Variants in MYO9A observed in about 807,000 individuals in gnomAD.
MYO9A encodes the protein myosin IXA, also known as unconventional myosin-IXa.
MYO9A carries 103 observed loss-of-function variants against 293.3 expected under a neutral mutation model. The observed-to-expected ratio is 0.35, with a 90% CI of 0.30 to 0.41. The LOEUF is 0.41. MYO9A is among the 10% of genes least tolerant of loss of function. The pLI, the probability that MYO9A is intolerant of heterozygous loss-of-function variation, is 1.00. For synonymous variants in MYO9A, 1,001 were observed against 1,035.7 expected, an observed-to-expected ratio of 0.97 and a Z score of 0.64; for missense variants, 2,685 against 3,033.0, an observed-to-expected ratio of 0.89 and a Z score of 2.69.
chr15:71,954,889 T>C (rs1335428017), intron 14 of MYO9A, among the ~76,000 whole-genome samples: 1 of 152,188 alleles, frequency 6.6e-6, no homozygotes, highest in African/African-American at 2.4e-5. Context: ...TTCTGTAATG[T>C]CAATTCAAAG....
chr15:72,102,450 C>G (rs1465710939), intron 1 of MYO9A, among the ~76,000 whole-genome samples: 2 of 148,334 alleles, frequency 1.3e-5, no homozygotes, highest in African/African-American at 4.9e-5. Flanking sequence ...CTGCCAAATC[C>G]CCCTCTGTGA....
At chr15:72,003,621 G>A (rs1446169623) in intron 8 of MYO9A, among the ~76,000 whole-genome samples, 5 of 150,664 alleles carry the variant, frequency 3.3e-5, no homozygotes, top group African/African-American at 7.3e-5. Flanking sequence ...GGAGAATGGC[G>A]TGAACCCAGG....
chr15:71,823,789 T>C lies in MYO9A; in HGVS notation c.*2791A>G, dbSNP rs1217863557. 6.6e-6 allele frequency: 1 copy of C among 152,206 alleles called. No homozygotes were observed. Among genetic ancestry groups the C allele is most frequent in the Admixed American group, 6.5e-5 (1 of 15,288 alleles). 9.4% of individuals were successfully genotyped at this position (152,206 alleles called of 1,614,324 possible). On this transcript the variant is annotated 3_prime_UTR_variant, in exon 42 of 42. Coordinates refer to ENST00000356056, the MANE Select transcript of MYO9A (RefSeq NM_006901.4). ...GAAGAGTGCTCTGCATTTTGGAGTA[T>C]GGGCTCCAAATGTGGAGCTGCCCCA...
At chr15:71,843,930 G>A (rs16956307) in intron 39 of MYO9A, among the ~76,000 whole-genome samples, 3,418 of 152,302 alleles carry the variant, frequency 0.022, 121 homozygotes, top group African/African-American at 0.08. Flanking sequence ...GAGACTTTGT[G>A]AGTCCTGGCT....
At chr15:71,925,494 GTT>G (rs2145341418) in intron 18 of MYO9A, among the ~76,000 whole-genome samples, 1 of 151,536 alleles carries the variant, frequency 6.6e-6, no homozygotes, top group South Asian at 2.1e-4. Context: ...TTATCTGTCT[GTT>G]TTGGTGGTTT....
At position 71,880,469 on chromosome 15, in the gene MYO9A, G is replaced by A; in HGVS notation, c.5488C>T (p.Pro1830Ser). The A allele has an allele frequency of 6.2e-7, 1 of 1,614,218 alleles. No homozygotes were observed. The highest frequency in any genetic ancestry group is 8.5e-7 in the Non-Finnish European group (1 of 1,180,022). The change falls in exon 29 of 42, where the codon CCA (proline) becomes TCA (serine). Residue 1830 changes from proline (P) to serine (S), a missense_variant. Physicochemically the swap from Pro to Ser is moderately conservative, Grantham distance 74. Around this residue, in one of 10 missense-constraint regions of MYO9A, gnomAD observed 1,434 missense variants for 1,497.7 expected, o/e 0.96. Coordinates refer to ENST00000356056, the MANE Select transcript of MYO9A (RefSeq NM_006901.4). ...KEFKENKEPS[P>S]KAKRKRSVKI... is the part of the protein sequence containing the mutation. ...ACACTTCGCTTGCGCTTAGCCTTTG[G>A]AGAAGGTTCTTTGTTCTCTTTGAAT...
chr15:71,877,338 C>T (rs2056725922), intron 31 of MYO9A, among the ~76,000 whole-genome samples: 2 of 152,148 alleles, frequency 1.3e-5, no homozygotes, highest in Non-Finnish European at 2.9e-5. Flanking sequence ...TCCCAAAACA[C>T]GTATTTTCCT....
chr15:72,024,502 C>T (rs71395054), intron 4 of MYO9A, among the ~76,000 whole-genome samples: 1 of 152,250 alleles, frequency 6.6e-6, no homozygotes, highest in Non-Finnish European at 1.5e-5. Context: ...GAACTCCTGG[C>T]CTCAAGTGAT....
chr15:72,042,114 A>G (rs2078244992), intron 2 of MYO9A, among the ~76,000 whole-genome samples: 1 of 151,492 alleles, frequency 6.6e-6, no homozygotes, highest in African/African-American at 2.4e-5. Context: ...TATCAATGCA[A>G]AAGATTGAAT....
intron 19 of MYO9A, among the ~76,000 whole-genome samples, chr15:71,915,823 T>G (rs1233593171): frequency 6.6e-6 from 1 of 152,110 alleles, no homozygotes; most frequent in Non-Finnish European, 1.5e-5. Flanking sequence ...AGGAGATAGA[T>G]GATTTGAGAA....
At chr15:72,095,975 T>C (rs1336744905) in intron 1 of MYO9A, among the ~76,000 whole-genome samples, 1 of 151,862 alleles carries the variant, frequency 6.6e-6, no homozygotes, top group Non-Finnish European at 1.5e-5. Flanking sequence ...GAGACCAACC[T>C]GGCCAACTTG....
chr15:71,925,041 T>C (rs1429291728), intron 18 of MYO9A, among the ~76,000 whole-genome samples: 2 of 152,166 alleles, frequency 1.3e-5, no homozygotes, highest in South Asian at 4.1e-4. Flanking sequence ...CGTTCTTTGC[T>C]GATTTTCTGT....
intron 1 of MYO9A, among the ~76,000 whole-genome samples, chr15:72,093,460 C>T (rs1596555762): frequency 6.6e-6 from 1 of 151,782 alleles, no homozygotes; most frequent in Non-Finnish European, 1.5e-5. Context: ...CACCTGAGCC[C>T]AAGGGAAAGA....
chr15:72,117,640 G>T, intron 1 of MYO9A, 40 bp downstream of exon 1: 1 of 395,590 alleles, frequency 2.5e-6, no homozygotes. Context: ...CGTGGGCCAG[G>T]ACGGGCTGCA....
At chr15:72,007,988 G>T (rs780403296) in intron 7 of MYO9A, 36 bp from the exon 8 acceptor site, 3 of 1,582,948 alleles carry the variant, frequency 1.9e-6, no homozygotes, top group Non-Finnish European at 2.6e-6. Flanking sequence ...GCTTAGTTGT[G>T]TCCATTCCCA....
intron 12 of MYO9A, among the ~76,000 whole-genome samples, chr15:71,970,349 G>C (rs1026426468): frequency 6.6e-6 from 1 of 152,158 alleles, no homozygotes; most frequent in African/African-American, 2.4e-5. Flanking sequence ...AAGTAGGAAA[G>C]GCTAAACCAA....
intron 32 of MYO9A, among the ~76,000 whole-genome samples, chr15:71,870,132 C>T (rs2056461299): frequency 6.6e-6 from 1 of 151,916 alleles, no homozygotes; most frequent in Non-Finnish European, 1.5e-5. Context: ...TTTTTCTGTC[C>T]TGCAAGCTAA....
At chr15:71,965,165 G>A (rs2075841632) in intron 13 of MYO9A, among the ~76,000 whole-genome samples, 1 of 151,362 alleles carries the variant, frequency 6.6e-6, no homozygotes, top group Non-Finnish European at 1.5e-5. Flanking sequence ...TTTGACTCAT[G>A]GGTTATTCAG....
intron 17 of MYO9A, among the ~76,000 whole-genome samples, chr15:71,934,003 G>A (rs1227665853): frequency 6.6e-6 from 1 of 152,044 alleles, no homozygotes; most frequent in Non-Finnish European, 1.5e-5. Flanking sequence ...ATTTTCTTCA[G>A]TTGTTAGTAG....
Sources: gnomAD v4.1 joint callset for allele counts (sites outside exome capture counted in the v4.1 genomes callset) on GRCh38, gnomAD v4.1.1 for gene constraint, gnomAD v4.1.1 regional missense constraint, MANE v1.5 for transcripts, NCBI Gene and HGNC (gene_info 2026-07-23, HGNC 2026-07-21) for gene names.